Variants in RSRC1 observed in about 807,000 individuals in gnomAD.
The protein encoded by RSRC1 is serine/Arginine-related protein 53.
A neutral mutation model predicts 49.1 loss-of-function variants in RSRC1; 39 were observed. That is an observed-to-expected ratio of 0.79 (90% CI 0.61 to 1.04). The LOEUF (loss-of-function observed/expected upper bound fraction) is 1.04, where lower values mean the gene tolerates loss of function less well. Ranked by LOEUF, RSRC1 falls within the 50% of genes least tolerant of loss-of-function variation. RSRC1 has a pLI of 0.00. For missense variants in RSRC1, 388 were observed against 402.4 expected, an observed-to-expected ratio of 0.96 and a Z score of 0.31; for synonymous variants, 143 against 130.8, an observed-to-expected ratio of 1.09 and a Z score of -0.63.
At chr3:158,511,667 T>C (rs1740185917) in intron 7 of RSRC1, among the ~76,000 whole-genome samples, 1 of 152,200 alleles carries the variant, frequency 6.6e-6, no homozygotes, top group African/African-American at 2.4e-5. Flanking sequence ...CAAATGGTAT[T>C]TCTAGTTCTA....
rs1232041222 is a variant in RSRC1, at chr3:158,539,041, A to G, written c.759+1843A>G. ...ATTACTTAGCAAAAGGAGGTAAATT[A>G]TCTTGTGGACCCTTTTATCCAGATC... On this transcript the variant is annotated intron_variant, in intron 8 of 9. Coordinates refer to ENST00000611884, the MANE Select transcript of RSRC1 (RefSeq NM_001271838.2). The surrounding 1 kb of genome is among the most constrained non-coding windows in gnomAD (Gnocchi z 4.1). 6.6e-6 allele frequency among the ~76,000 whole-genome samples: 1 copy of G among 151,984 alleles called. No individual in the cohort carries two copies. Among genetic ancestry groups the G allele is most frequent in the East Asian group, 1.9e-4 (1 of 5,194 alleles).
intron 7 of RSRC1, among the ~76,000 whole-genome samples, chr3:158,478,870 C>G (rs1714514): frequency 2.1e-5 from 3 of 144,522 alleles, no homozygotes; most frequent in Admixed American, 1.4e-4. Context: ...AGAAATATAT[C>G]TAGGGAAAAG....
At chr3:158,483,773 A>AC (rs1249769682) in intron 7 of RSRC1, among the ~76,000 whole-genome samples, 5 of 152,110 alleles carry the variant, frequency 3.3e-5, no homozygotes, top group Admixed American at 3.3e-4. Context: ...TCTGGTGCCT[A>AC]CAGTCTTGAA....
At chr3:158,260,348 A>AT (rs1262046942) in intron 4 of RSRC1, among the ~76,000 whole-genome samples, 2 of 152,062 alleles carry the variant, frequency 1.3e-5, no homozygotes, top group Non-Finnish European at 2.9e-5. Context: ...ATGTCTAGAA[A>AT]TGTCATCTGT....
intron 7 of RSRC1, among the ~76,000 whole-genome samples, chr3:158,505,438 T>A (rs1578554675): frequency 6.6e-6 from 1 of 152,150 alleles, no homozygotes; most frequent in East Asian, 1.9e-4. Context: ...GATTCCCCAC[T>A]GTGGGCTGAA....
In RSRC1 at chr3:158,514,665, G is replaced by A. The variant is rs147319057; in HGVS notation, c.653-22427G>A. Among the ~76,000 whole-genome samples the A allele has an allele frequency of 7.7e-3, 1,177 of 151,994 alleles. 19 individuals are homozygous for A. Among genetic ancestry groups the A allele is most frequent in the African/African-American group, 0.027 (1,119 of 41,468 alleles). On this transcript the variant is annotated intron_variant, in intron 7 of 9. Transcript: ENST00000611884. ...GTGCAGAGCTGAGTTCAATTCCTCG[G>A]TATCCTTGTTGACTCTCTGTCTCGT...
intron 4 of RSRC1, among the ~76,000 whole-genome samples, chr3:158,207,296 A>G (rs1057165052): frequency 6.6e-6 from 1 of 152,198 alleles, no homozygotes; most frequent in East Asian, 1.9e-4. Flanking sequence ...AAATCTCATT[A>G]GTAAAAGATT....
chr3:158,131,219 G>A (rs1476976619), intron 3 of RSRC1, among the ~76,000 whole-genome samples: 3 of 151,470 alleles, frequency 2.0e-5, no homozygotes, highest in African/African-American at 7.3e-5. Flanking sequence ...GTTTCTTGTG[G>A]TTGCCTTTTA....
At chr3:158,153,072 C>T (rs1280459685) in intron 3 of RSRC1, among the ~76,000 whole-genome samples, 1 of 152,162 alleles carries the variant, frequency 6.6e-6, no homozygotes, top group East Asian at 1.9e-4. Context: ...GTTTTCCAGA[C>T]AACCTACCTC....
chr3:158,233,824 A>T (rs1372604545), intron 4 of RSRC1, among the ~76,000 whole-genome samples: 1 of 152,136 alleles, frequency 6.6e-6, no homozygotes, highest in Non-Finnish European at 1.5e-5. Context: ...GTCTGCAGTT[A>T]CCTCATGCTC....
chr3:158,248,754 C>T (rs1044565909), intron 4 of RSRC1, among the ~76,000 whole-genome samples: 2 of 152,018 alleles, frequency 1.3e-5, no homozygotes, highest in East Asian at 1.9e-4. Context: ...TGTGCCACCA[C>T]GCCTGGCTAA....
At chr3:158,316,158 C>A (rs577133520) in intron 5 of RSRC1, among the ~76,000 whole-genome samples, 3 of 148,074 alleles carry the variant, frequency 2.0e-5, no homozygotes, top group Non-Finnish European at 4.5e-5. Context: ...GACAACAGAG[C>A]GAGACTCGGT....
intron 6 of RSRC1, among the ~76,000 whole-genome samples, chr3:158,371,996 G>A (rs1732103003): frequency 6.8e-6 from 1 of 147,554 alleles, no homozygotes; most frequent in Non-Finnish European, 1.5e-5. Flanking sequence ...TACCATAATA[G>A]GTCTTCTTTG....
intron 4 of RSRC1, among the ~76,000 whole-genome samples, chr3:158,281,843 T>A (rs541408554): frequency 6.6e-6 from 1 of 152,174 alleles, no homozygotes; most frequent in South Asian, 2.1e-4. Context: ...AGATAGGGTA[T>A]GTGTATAGTT....
At chr3:158,411,652 G>A (rs183931547) in intron 6 of RSRC1, among the ~76,000 whole-genome samples, 2 of 151,786 alleles carry the variant, frequency 1.3e-5, no homozygotes, top group Non-Finnish European at 2.9e-5. Context: ...AGAGACACTG[G>A]GATTACAGGC....
chr3:158,242,179 C>T (rs1335164787), intron 4 of RSRC1, among the ~76,000 whole-genome samples: 3 of 151,440 alleles, frequency 2.0e-5, no homozygotes, highest in Non-Finnish European at 2.9e-5. Flanking sequence ...ATTGGCTGTT[C>T]TTCCTGATGC....
chr3:158,513,980 T>G (rs1316194359), intron 7 of RSRC1, among the ~76,000 whole-genome samples: 1 of 152,200 alleles, frequency 6.6e-6, no homozygotes, highest in Non-Finnish European at 1.5e-5. Flanking sequence ...TTTATCATTT[T>G]TTATTGCGTC....
intron 3 of RSRC1, chr3:158,132,028 G>T: frequency 2.9e-6 from 1 of 348,124 alleles, no homozygotes; most frequent in Non-Finnish European, 6.1e-6. Flanking sequence ...CTGTCACCTG[G>T]GCTGGAGTGC....
At chr3:158,513,798 C>T (rs1171608911) in intron 7 of RSRC1, among the ~76,000 whole-genome samples, 1 of 152,186 alleles carries the variant, frequency 6.6e-6, no homozygotes, top group Non-Finnish European at 1.5e-5. Context: ...ATTTCAGATC[C>T]TGTTATTGGT....
Sources: allele counts gnomAD v4.1 joint callset (sites outside exome capture counted in the v4.1 genomes callset), GRCh38; gene constraint gnomAD v4.1.1; non-coding constraint Gnocchi (gnomAD v3.1); transcripts MANE v1.5; gene names NCBI Gene and HGNC (gene_info 2026-07-23, HGNC 2026-07-21).